The following SH2D1B variants were observed in gnomAD, a reference collection of about 807,000 sequenced individuals.
SH2D1B encodes the protein SH2 domain containing 1B, also known as SH2 domain-containing protein 1B.
In SH2D1B, 11 loss-of-function variants were observed where a neutral mutation model predicts 16.3. The ratio of observed to expected loss-of-function variants is 0.67; its 90% CI spans 0.42 to 1.11. SH2D1B has a LOEUF of 1.11. Among genes scored for constraint, SH2D1B ranks in the 50% most tolerant of loss-of-function variants. The pLI, the probability that SH2D1B is intolerant of heterozygous loss-of-function variation, is 0.00. For synonymous variants in SH2D1B, 55 were observed against 56.1 expected (o/e 0.98, Z 0.09); for missense variants, 123 against 153.1 (o/e 0.80, Z 1.04).
intron 3 of SH2D1B, among the ~76,000 whole-genome samples, chr1:162,398,322 C>T (rs893615735): frequency 6.6e-6 from 1 of 152,174 alleles, no homozygotes; most frequent in African/African-American, 2.4e-5. Flanking sequence ...TAAATTCAAA[C>T]AACATTGCAA....
chr1:162,398,084 G>T (rs61809468), intron 3 of SH2D1B, among the ~76,000 whole-genome samples: 14,318 of 152,184 alleles, frequency 0.094, 853 homozygotes, highest in Admixed American at 0.15. Context: ...TGAGAAGCCG[G>T]CTATGGCAGC....
Position 162,395,939 on chromosome 1 carries a change from A to G in SH2D1B, c.*1341T>C, listed in dbSNP as rs1163505521. On this transcript the variant is annotated 3_prime_UTR_variant, in exon 4 of 4. Transcript: ENST00000367929. ...TTGCAAGTTCATTAAAAATTCCAAA[A>G]AGAGGTTTTAAGCAATTTCACGTAT... 2 of 152,256 alleles carry G rather than the reference A, an allele frequency of 1.3e-5. No individual in the cohort carries two copies. Among genetic ancestry groups the G allele is most frequent in the African/African-American group, 4.8e-5 (2 of 41,462 alleles). The allele number at this position is 152,256 out of a possible 1,614,324, so 9.4% of individuals were successfully genotyped here. A position where few individuals can be genotyped will look rare whatever the true frequency, so the allele number is the denominator to read the frequency against.
intron 1 of SH2D1B, among the ~76,000 whole-genome samples, chr1:162,410,536 T>C (rs1262060942): frequency 6.6e-6 from 1 of 152,218 alleles, no homozygotes; most frequent in East Asian, 1.9e-4. Flanking sequence ...AAGAGGAACA[T>C]ACATAAAGAT....
intron 1 of SH2D1B, among the ~76,000 whole-genome samples, chr1:162,408,959 T>C (rs1449821539): frequency 6.6e-6 from 1 of 151,750 alleles, no homozygotes; most frequent in South Asian, 2.1e-4. Context: ...AATTTAAACA[T>C]TAACCAGGCA....
At chr1:162,411,854 T>C in intron 1 of SH2D1B, 29 bp downstream of exon 1, 1 of 1,613,780 alleles carries the variant, frequency 6.2e-7, no homozygotes, top group Non-Finnish European at 8.5e-7. Flanking sequence ...ACATACGATG[T>C]CAGATGTGTG....
At position 162,411,439 on chromosome 1, in the gene SH2D1B, A is replaced by AT. The variant is rs1557913227; in HGVS notation, c.134+443dup. On this transcript the variant is annotated intron_variant, in intron 1 of 3. Coordinates refer to ENST00000367929, the MANE Select transcript of SH2D1B (RefSeq NM_053282.5). ...TGAAGTCCTTCACAAATCTAACAAA[A>AT]TGTGAAATATGATTGTATTTATAGT... Among the ~76,000 whole-genome samples the AT allele has an allele frequency of 3.3e-5, 5 of 152,220 alleles. 1 individual carries two copies. Among genetic ancestry groups the AT allele is most frequent in the Non-Finnish European group, 7.3e-5 (5 of 68,044 alleles).
chr1:162,399,838 T>C (rs528443215), intron 2 of SH2D1B, among the ~76,000 whole-genome samples: 3 of 152,342 alleles, frequency 2.0e-5, no homozygotes, highest in Non-Finnish European at 1.5e-5. Flanking sequence ...GGACATGATT[T>C]CATTCTTTTT....
chr1:162,402,790 A>C lies in SH2D1B; in HGVS notation c.147T>G (p.Ile49Met). 1 of 1,613,746 alleles carries C rather than the reference A, an allele frequency of 6.2e-7. No homozygotes were observed. Among genetic ancestry groups the C allele is most frequent in the South Asian group, 1.1e-5 (1 of 91,072 alleles). ...VLCLCVSFKNIVYTYRIFREK... is the reference protein window; with the variant it reads ...VLCLCVSFKNMVYTYRIFREK... ...CTCTGAAGATTCGGTATGTGTAGACAATATTTTTAAACCTGTGGAAAAAAT... is the reference window on the plus strand; with the variant it reads ...CTCTGAAGATTCGGTATGTGTAGACCATATTTTTAAACCTGTGGAAAAAAT... Residue 49 changes from isoleucine (I) to methionine (M), a missense_variant, in exon 2 of 4, where the codon ATT becomes ATG. Physicochemically the swap from Ile to Met is conservative, Grantham distance 10. Coordinates refer to ENST00000367929, the MANE Select transcript of SH2D1B (RefSeq NM_053282.5).
At position 162,412,034 on chromosome 1, in the gene SH2D1B, C is replaced by T. The variant is rs182196385; in HGVS notation, c.-18G>A. ...AGATCCATGGAGAACGCTCTTGTATCCCAGGAAGCCCTGTTGGCCTGAAAT... is the reference window on the plus strand; with the variant it reads ...AGATCCATGGAGAACGCTCTTGTATTCCAGGAAGCCCTGTTGGCCTGAAAT... On this transcript the variant is annotated 5_prime_UTR_variant, in exon 1 of 4. Coordinates refer to ENST00000367929, the MANE Select transcript of SH2D1B (RefSeq NM_053282.5). 259 of 1,613,644 alleles carry T rather than the reference C, an allele frequency of 1.6e-4. 2 individuals carry two copies. In the East Asian group the frequency reaches 5.3e-3, roughly 33 times the overall value.
intron 2 of SH2D1B, among the ~76,000 whole-genome samples, chr1:162,400,947 C>A (rs1458660533): frequency 6.6e-6 from 1 of 152,130 alleles, no homozygotes; most frequent in Non-Finnish European, 1.5e-5. Context: ...CTCTGTCTTA[C>A]ACACCCACAC....
At chr1:162,405,019 C>T (rs351450) in intron 1 of SH2D1B, among the ~76,000 whole-genome samples, 124,163 of 152,204 alleles carry the variant, frequency 0.82, 51,329 homozygotes, top group Middle Eastern at 0.89. Flanking sequence ...GCAACTTTAG[C>T]TGTAATAGCT....
chr1:162,411,796 C>T, intron 1 of SH2D1B, 87 bp downstream of exon 1: 3 of 1,559,748 alleles, frequency 1.9e-6, no homozygotes, highest in South Asian at 1.1e-5. Context: ...GAGTGAAATA[C>T]TGAGGGATAT....
At chr1:162,401,874 A>G (rs1648525119) in intron 2 of SH2D1B, among the ~76,000 whole-genome samples, 1 of 152,330 alleles carries the variant, frequency 6.6e-6, no homozygotes, top group African/African-American at 2.4e-5. Context: ...GAGAAAGATT[A>G]TTTTAGGATT....
chr1:162,411,183 T>C (rs1473075432), intron 1 of SH2D1B, among the ~76,000 whole-genome samples: 1 of 151,642 alleles, frequency 6.6e-6, no homozygotes, highest in African/African-American at 2.4e-5. Flanking sequence ...CTCAAACTCC[T>C]GACCTCAAGT....
At position 162,403,507 on chromosome 1, in the gene SH2D1B, AAAAAATATATATATATAT is replaced by A. The variant is rs1302938644; in HGVS notation, c.135-723_135-706del. The stretch of plus-strand genomic sequence containing the variant: ...CTGTCTGAAAAAAAAAAAAAAAAAA[AAAAAATATATATATATAT>A]ATATATATATATATATATGTAATTA... On this transcript the variant is annotated intron_variant, in intron 1 of 3. Transcript: ENST00000367929. Among the ~76,000 whole-genome samples the A allele has an allele frequency of 3.6e-3, 75 of 21,036 alleles. 1 individual carries two copies. The South Asian group carries it at 0.07, about 20-fold the overall frequency. The allele number at this position is 21,036 out of a possible 152,430, so 13.8% of individuals were successfully genotyped here.
chr1:162,399,452 C>T (rs911666425), intron 2 of SH2D1B, among the ~76,000 whole-genome samples: 13 of 152,204 alleles, frequency 8.5e-5, no homozygotes, highest in Middle Eastern at 3.4e-3. Context: ...AAGGGACTAT[C>T]GGAAGTGGAC....
chr1:162,408,829 T>C (rs575128660), intron 1 of SH2D1B, among the ~76,000 whole-genome samples: 1 of 151,896 alleles, frequency 6.6e-6, no homozygotes, highest in Admixed American at 6.6e-5. Context: ...CAATATAGGC[T>C]GGGTGCAGTG....
At chr1:162,409,063 C>T (rs1444044283) in intron 1 of SH2D1B, among the ~76,000 whole-genome samples, 3 of 150,458 alleles carry the variant, frequency 2.0e-5, no homozygotes, top group Admixed American at 6.6e-5. Context: ...GAGCCATGAT[C>T]GCACCACTGC....
rs1648362515 is a variant in SH2D1B, at chr1:162,395,880, C to T, written c.*1400G>A. 1 of 152,206 alleles carries T rather than the reference C, an allele frequency of 6.6e-6. No homozygotes were observed. Among genetic ancestry groups the T allele is most frequent in the African/African-American group, 2.4e-5 (1 of 41,458 alleles). The allele number at this position is 152,206 out of a possible 1,614,324, so 9.4% of individuals were successfully genotyped here. A position where few individuals can be genotyped will look rare whatever the true frequency, so the allele number is the denominator to read the frequency against. ...CATGTTTATGCATGGGAAAACATCA[C>T]AAGAACGTCAGTTCTCTCCTATTTA... On this transcript the variant is annotated 3_prime_UTR_variant, in exon 4 of 4. Transcript: ENST00000367929.
Sources: gnomAD v4.1 joint callset for allele counts (sites outside exome capture counted in the v4.1 genomes callset) on GRCh38, gnomAD v4.1.1 for gene constraint, MANE v1.5 for transcripts, NCBI Gene and HGNC (gene_info 2026-07-23, HGNC 2026-07-21) for gene names.